Variants in RGS14 observed in about 807,000 individuals in gnomAD.
RGS14 encodes regulator of G protein signaling 14, also known as regulator of G-protein signaling 14.
Under a neutral mutation model 63.8 loss-of-function variants are expected in RGS14, and 33 were observed. That is an observed-to-expected ratio of 0.52 (90% CI 0.39 to 0.69). RGS14 has a LOEUF of 0.69. Ranked by LOEUF, RGS14 falls within the 30% of genes least tolerant of loss-of-function variation. The probability of loss-of-function intolerance (pLI) is 0.00; values close to 1 mark genes in which losing one functional copy is unlikely to be tolerated. For synonymous variants in RGS14, 296 were observed against 320.9 expected, an observed-to-expected ratio of 0.92 and a Z score of 0.83; for missense variants, 739 against 742.9, an observed-to-expected ratio of 0.99 and a Z score of 0.06.
chr5:177,367,259 C>G, intron 5 of RGS14, 155 bp from the exon 6 acceptor site: 1 of 1,194,112 alleles, frequency 8.4e-7, no homozygotes, highest in African/African-American at 1.5e-5. Context: ...GGGCTTGGAC[C>G]CCGGGGGTGG....
intron 10 of RGS14, 44 bp from the exon 11 acceptor site, chr5:177,370,861 G>C: frequency 1.9e-6 from 3 of 1,551,890 alleles, no homozygotes; most frequent in Non-Finnish European, 2.6e-6. Context: ...GGTTTGGCGG[G>C]GGGCCGGCCC....
rs1464549486 is a variant in RGS14 at position 177,358,263 on chromosome 5, A to G, written c.45+194A>G. The stretch of plus-strand genomic sequence containing the variant: ...GACCCTTCCAGATGGCCCAGCCGGG[A>G]GCCTGGTACAACCCTGGCAGTGAGG... On this transcript the variant is annotated intron_variant, in intron 1 of 14. Coordinates refer to ENST00000408923, the MANE Select transcript of RGS14 (RefSeq NM_006480.5). The surrounding 1 kb of genome is among the most constrained non-coding windows in gnomAD (Gnocchi z 4.8). 6.6e-6 allele frequency among the ~76,000 whole-genome samples: 1 copy of G among 152,138 alleles called. No homozygotes were observed. Among genetic ancestry groups the G allele is most frequent in the Non-Finnish European group, 1.5e-5 (1 of 67,998 alleles).
Position 177,358,547 on chromosome 5 carries a change from A to C in RGS14, c.45+478A>C, listed in dbSNP as rs1761880828. ...GGAGCTACTCCAGAGGCTTCCTGCC[A>C]GAACTAGCATTGTTTGGGCAGCCCG... On this transcript the variant is annotated intron_variant, in intron 1 of 14. Coordinates refer to ENST00000408923, the MANE Select transcript of RGS14 (RefSeq NM_006480.5). This position sits in a 1 kb window ranked among gnomAD's most constrained non-coding sequence, Gnocchi z 4.8. Among the ~76,000 whole-genome samples the C allele has an allele frequency of 6.6e-6, 1 of 152,216 alleles. No individual in the cohort carries two copies. The highest frequency in any genetic ancestry group is 6.5e-5 in the Admixed American group (1 of 15,280).
At chr5:177,365,850 G>A in intron 1 of RGS14, 113 bp from the exon 2 acceptor site, 1 of 1,063,294 alleles carries the variant, frequency 9.4e-7, no homozygotes. Context: ...AACCTGGCCG[G>A]GGATGCCCAG....
chr5:177,358,156 C>A lies in RGS14; in HGVS notation c.45+87C>A. On this transcript the variant is annotated intron_variant, in intron 1 of 14. Coordinates refer to ENST00000408923, the MANE Select transcript of RGS14 (RefSeq NM_006480.5). This position sits in a 1 kb window ranked among gnomAD's most constrained non-coding sequence, Gnocchi z 4.8. ...AGGAGGCACACCCGGCAGGGCCAGGCAAGAGCCCACGGGCTGCCAGCAGGC... is the reference window on the plus strand; with the variant it reads ...AGGAGGCACACCCGGCAGGGCCAGGAAAGAGCCCACGGGCTGCCAGCAGGC... 1 of 1,119,520 alleles carries A rather than the reference C, an allele frequency of 8.9e-7. No individual in the cohort carries two copies. Among genetic ancestry groups the A allele is most frequent in the Non-Finnish European group, 1.2e-6 (1 of 868,668 alleles). 69.3% of individuals were successfully genotyped at this position (1,119,520 alleles called of 1,614,324 possible).
At chr5:177,369,740 T>C (rs555765086) in intron 9 of RGS14, among the ~76,000 whole-genome samples, 1 of 152,342 alleles carries the variant, frequency 6.6e-6, no homozygotes, top group East Asian at 1.9e-4. Context: ...CGGGGCATGT[T>C]CAGGGGCCTG....
Position 177,357,931 on chromosome 5 carries a change from C to A in RGS14, c.-94C>A. The A allele has an allele frequency of 8.8e-7, 1 of 1,140,206 alleles. No individual in the cohort carries two copies. Among genetic ancestry groups the A allele is most frequent in the Non-Finnish European group, 1.1e-6 (1 of 886,926 alleles). 70.6% of individuals were successfully genotyped at this position (1,140,206 alleles called of 1,614,324 possible). A position where few individuals can be genotyped will look rare whatever the true frequency, so the allele number is the denominator to read the frequency against. ...CAGGAGCCGAGTCAGGCTCTCTCCA[C>A]TGCCTGCCCGCCACCGTGCAAGCTC... On this transcript the variant is annotated 5_prime_UTR_variant, in exon 1 of 15. It adds an upstream start codon to the 5' untranslated region. Transcript: ENST00000408923.
chr5:177,366,354 C>T lies in RGS14; in HGVS notation c.245C>T (p.Thr82Ile). ...GACCCGCTGGGCCTGGCTTACTTCA[C>T]TGTAAGCCTGGGGTAGGGAAAGGGA... ...LQDPLGLAYF[T>I]EFLKKEFSAE... is the part of the protein sequence containing the mutation. Residue 82 changes from threonine to isoleucine, a missense_variant and splice_region_variant, in exon 3 of 15, where the codon ACT (threonine) becomes ATT (isoleucine). By Grantham distance (89) the Thr-to-Ile change is moderately conservative (BLOSUM62 -1). Coordinates refer to ENST00000408923, the MANE Select transcript of RGS14 (RefSeq NM_006480.5). 1 of 1,541,804 alleles carries T rather than the reference C, an allele frequency of 6.5e-7. No individual in the cohort carries two copies. The highest frequency in any genetic ancestry group is 8.8e-7 in the Non-Finnish European group (1 of 1,141,976).
rs989179373 is a variant in RGS14, at chr5:177,358,695, C to T, written c.45+626C>T. 9.2e-5 allele frequency among the ~76,000 whole-genome samples: 14 copies of T among 152,254 alleles called. No homozygotes were observed. Among genetic ancestry groups the T allele is most frequent in the African/African-American group, 3.4e-4 (14 of 41,472 alleles). ...AGCTGCCCCACCCCTTAACCCTCTCCCTGGCTGCTTAGCCCCAGATCAGAG... is the reference window on the plus strand; with the variant it reads ...AGCTGCCCCACCCCTTAACCCTCTCTCTGGCTGCTTAGCCCCAGATCAGAG... On this transcript the variant is annotated intron_variant, in intron 1 of 14. Transcript: ENST00000408923. This position sits in a 1 kb window ranked among gnomAD's most constrained non-coding sequence, Gnocchi z 4.8.
At chr5:177,367,608 G>A (rs1762132611) in intron 6 of RGS14, 51 bp downstream of exon 6, 2 of 1,581,718 alleles carry the variant, frequency 1.3e-6, no homozygotes, top group South Asian at 1.1e-5. Context: ...CCTGCGGACC[G>A]CGTGCAAGAG....
chr5:177,368,036 G>A (rs1762144786), intron 7 of RGS14, 121 bp from the exon 8 acceptor site: 1 of 1,486,484 alleles, frequency 6.7e-7, no homozygotes, highest in Non-Finnish European at 8.9e-7. Flanking sequence ...TCGCTCCCAG[G>A]GATTTACACC....
rs1392851425 is a variant in RGS14, at chr5:177,358,664, GGC to G, written c.45+596_45+597del. Among the ~76,000 whole-genome samples the G allele has an allele frequency of 6.6e-6, 1 of 152,222 alleles. No individual in the cohort carries two copies. The highest frequency in any genetic ancestry group is 2.4e-5 in the African/African-American group (1 of 41,446). On this transcript the variant is annotated intron_variant, in intron 1 of 14. Transcript: ENST00000408923. The surrounding 1 kb of genome is among the most constrained non-coding windows in gnomAD (Gnocchi z 4.8). ...AAGGGCTGAGCACTAAGATCCCCCTGGCTGCAGCTGCCCCACCCCTTAACCCT... is the reference window on the plus strand; with the variant it reads ...AAGGGCTGAGCACTAAGATCCCCCTGTGCAGCTGCCCCACCCCTTAACCCT...
Position 177,365,951 on chromosome 5 carries a change from G to A in RGS14, c.46-12G>A. 6.2e-7 allele frequency: 1 copy of A among 1,613,996 alleles called. No individual in the cohort carries two copies. Among genetic ancestry groups the A allele is most frequent in the African/African-American group, 1.3e-5 (1 of 75,066 alleles). On this transcript the variant is annotated splice_polypyrimidine_tract_variant and intron_variant, in intron 1 of 14. Coordinates refer to ENST00000408923, the MANE Select transcript of RGS14 (RefSeq NM_006480.5). ...TGGGCTCTTCTGACTTTCTCTGTTG[G>A]GTCTCTTATAGGTTCTGGCTGTGTC...
chr5:177,367,210 GA>G, intron 5 of RGS14, 176 bp downstream of exon 5: 1 of 1,101,918 alleles, frequency 9.1e-7, no homozygotes, highest in Non-Finnish European at 1.3e-6. Context: ...GAGGCACGGG[GA>G]AGGACAGTTA....
intron 1 of RGS14, 98 bp from the exon 2 acceptor site, chr5:177,365,862 TGGA>T: frequency 8.3e-7 from 1 of 1,205,194 alleles, no homozygotes; most frequent in South Asian, 1.2e-5. Flanking sequence ...GATGCCCAGG[TGGA>T]GGAGAACGCA....
chr5:177,372,054 C>T lies in RGS14; in HGVS notation c.1680C>T (p.Ser560=), dbSNP rs1455133578. Reference sequence around the variant, plus strand: ...AGCCCATCGGGGGATCCTTGAACTCCACCACCGACTCAGCCCTCTGACAGC... The same window carrying T: ...AGCCCATCGGGGGATCCTTGAACTCTACCACCGACTCAGCCCTCTGACAGC... ...AAQPIGGSLN[S]TTDSAL Residue 560 remains serine (S), a synonymous_variant, in exon 15 of 15, where the codon TCC becomes TCT. Coordinates refer to ENST00000408923, the MANE Select transcript of RGS14 (RefSeq NM_006480.5). The T allele has an allele frequency of 1.2e-6, 2 of 1,613,896 alleles. No homozygotes were observed. The highest frequency in any genetic ancestry group is 1.7e-6 in the Non-Finnish European group (2 of 1,179,972).
Position 177,368,163 on chromosome 5 carries a change from G to A in RGS14, c.746G>A (p.Gly249Asp), listed in dbSNP as rs1762149859. The change falls in exon 8 of 15, where the codon GGC (glycine) becomes GAC (aspartate). Residue 249 changes from glycine to aspartate, a missense_variant. Gly to Asp is a moderately conservative substitution (Grantham distance 94). Coordinates refer to ENST00000408923, the MANE Select transcript of RGS14 (RefSeq NM_006480.5). ...ATCGCTCCCTCTTCACTAGAGCTGG[G>A]CGGGACTGCAAACGCCGCCTTGCGC... ...PLRKSFRREL[G>D]GTANAALRRE... The A allele has an allele frequency of 6.2e-7, 1 of 1,613,228 alleles. No homozygotes were observed. Among genetic ancestry groups the A allele is most frequent in the East Asian group, 2.2e-5 (1 of 44,876 alleles).
intron 10 of RGS14, 106 bp from the exon 11 acceptor site, chr5:177,370,798 CA>C (rs1160049270): frequency 6.6e-7 from 1 of 1,526,374 alleles, no homozygotes; most frequent in Admixed American, 1.9e-5. Context: ...CCCTACAAGC[CA>C]GTCCCACCTT....
At position 177,371,512 on chromosome 5, in the gene RGS14, C is replaced by T; in HGVS notation, c.1421C>T (p.Pro474Leu). The T allele has an allele frequency of 6.2e-7, 1 of 1,614,128 alleles. No homozygotes were observed. The highest frequency in any genetic ancestry group is 1.3e-5 in the African/African-American group (1 of 75,022). Reference protein sequence around the residue: ...PPRTQDKATHPPPASPSSLVK... With the variant: ...PPRTQDKATHLPPASPSSLVK... ...AGAACTCAGGATAAGGCCACCCATC[C>T]CCCTCCAGCGTCCCCCAGTTCTCTG... The change falls in exon 14 of 15, where the codon CCC becomes CTC. Residue 474 changes from proline (P) to leucine (L), a missense_variant. Physicochemically the swap from Pro to Leu is moderately conservative, Grantham distance 98. Transcript: ENST00000408923. This position sits in a 1 kb window ranked among gnomAD's most constrained non-coding sequence, Gnocchi z 6.1.
Sources: gnomAD v4.1 joint callset for allele counts (sites outside exome capture counted in the v4.1 genomes callset) on GRCh38, gnomAD v4.1.1 for gene constraint, Gnocchi (gnomAD v3.1) non-coding constraint, MANE v1.5 for transcripts, NCBI Gene and HGNC (gene_info 2026-07-23, HGNC 2026-07-21) for gene names.